ZFAT: variants seen among roughly 807,000 people sequenced by gnomAD.
The protein encoded by ZFAT is zinc finger and AT-hook domain containing.
Under a neutral mutation model 117.7 loss-of-function variants are expected in ZFAT, and 64 were observed. The observed-to-expected ratio is 0.54, with a 90% CI of 0.44 to 0.67. The LOEUF is 0.67. ZFAT is among the 30% of genes least tolerant of loss of function. ZFAT has a pLI of 0.00. For missense variants in ZFAT, 1,433 were observed against 1,584.5 expected (o/e 0.90, Z 1.62); for synonymous variants, 679 against 615.0 (o/e 1.10, Z -1.54).
At chr8:134,548,215 A>G (rs1024691970) in intron 11 of ZFAT, among the ~76,000 whole-genome samples, 1 of 152,234 alleles carries the variant, frequency 6.6e-6, no homozygotes, top group Non-Finnish European at 1.5e-5. Flanking sequence ...CAAAAACTAA[A>G]CAAAGAGCCT....
chr8:134,704,856 T>C (rs968690376), intron 1 of ZFAT, among the ~76,000 whole-genome samples: 6 of 151,562 alleles, frequency 4.0e-5, no homozygotes, highest in African/African-American at 1.2e-4. Flanking sequence ...TTATTAGAGA[T>C]AGACAGTAGA....
At chr8:134,776,791 A>G in the ZFAT span, among the ~76,000 whole-genome samples, 1 of 152,204 alleles carries the variant, frequency 6.6e-6, no homozygotes, top group Non-Finnish European at 1.5e-5. Flanking sequence ...AACTATTTGC[A>G]TGTGTTTTCC....
chr8:134,774,449 A>T, the ZFAT span, among the ~76,000 whole-genome samples: 1 of 152,332 alleles, frequency 6.6e-6, no homozygotes, highest in East Asian at 1.9e-4. Flanking sequence ...AACATTCAGC[A>T]ACCACCACAA....
chr8:134,627,695 T>C (rs1207209727), intron 3 of ZFAT, among the ~76,000 whole-genome samples: 2 of 152,216 alleles, frequency 1.3e-5, no homozygotes, highest in Admixed American at 1.3e-4. Context: ...ACAGTTCTTG[T>C]GTCTGCTGTA....
At chr8:134,807,255 C>A in the ZFAT span, among the ~76,000 whole-genome samples, 10 of 152,318 alleles carry the variant, frequency 6.6e-5, no homozygotes, top group East Asian at 1.5e-3. Flanking sequence ...AAGTACAATG[C>A]TGAAACCAAG....
intron 15 of ZFAT, among the ~76,000 whole-genome samples, chr8:134,506,210 G>T (rs139482791): frequency 6.6e-6 from 1 of 151,994 alleles, no homozygotes; most frequent in Non-Finnish European, 1.5e-5. Context: ...AAACCTTAAC[G>T]CAAGATTTAA....
chr8:134,701,292 T>C (rs1285525840), intron 1 of ZFAT, among the ~76,000 whole-genome samples: 1 of 152,236 alleles, frequency 6.6e-6, no homozygotes, highest in African/African-American at 2.4e-5. Context: ...TTTGTGACTA[T>C]CTTATTTCAC....
At position 134,495,156 on chromosome 8, in the gene ZFAT, G is replaced by C. The variant is rs1818339297; in HGVS notation, c.3492+14463C>G. The stretch of plus-strand genomic sequence containing the variant: ...CAGCTCAGGCTGCTGTCACAAAGCA[G>C]CACAGGTTGAGTGACTTATAAACAA... On this transcript the variant is annotated intron_variant, in intron 15 of 15. Coordinates refer to ENST00000377838, the MANE Select transcript of ZFAT (RefSeq NM_020863.4). Among the ~76,000 whole-genome samples the C allele has an allele frequency of 3.3e-5, 5 of 152,162 alleles. No individual in the cohort carries two copies. The South Asian group carries it at 1.0e-3, about 32-fold the overall frequency.
intron 9 of ZFAT, among the ~76,000 whole-genome samples, chr8:134,587,208 G>A (rs1323933207): frequency 1.3e-5 from 2 of 152,076 alleles, no homozygotes; most frequent in African/African-American, 2.4e-5. Context: ...CAGTCCATAG[G>A]CACCCCAACA....
chr8:134,524,478 C>A (rs946899702), intron 12 of ZFAT, among the ~76,000 whole-genome samples: 3 of 152,186 alleles, frequency 2.0e-5, no homozygotes, highest in Non-Finnish European at 2.9e-5. Flanking sequence ...AATATGAATT[C>A]TTCACTTCCC....
chr8:134,695,334 T>G (rs1218944269), intron 1 of ZFAT, among the ~76,000 whole-genome samples: 1 of 147,132 alleles, frequency 6.8e-6, no homozygotes, highest in Non-Finnish European at 1.5e-5. Flanking sequence ...TCTTTGTCTC[T>G]GAAAGGCAAG....
At chr8:134,549,742 C>A (rs1338229693) in intron 11 of ZFAT, among the ~76,000 whole-genome samples, 2 of 152,204 alleles carry the variant, frequency 1.3e-5, no homozygotes, top group Non-Finnish European at 2.9e-5. Flanking sequence ...CCTTCTTCTC[C>A]AGCCTGAGCT....
intron 15 of ZFAT, among the ~76,000 whole-genome samples, chr8:134,489,863 C>G (rs1401084866): frequency 6.6e-6 from 1 of 152,120 alleles, no homozygotes; most frequent in Non-Finnish European, 1.5e-5. Flanking sequence ...CACTTCCTGC[C>G]CACCCAACCT....
intron 14 of ZFAT, 120 bp downstream of exon 14, chr8:134,512,355 G>T: frequency 6.9e-7 from 1 of 1,439,974 alleles, no homozygotes; most frequent in Non-Finnish European, 9.4e-7. Flanking sequence ...CAGTCTGAAC[G>T]CTGGGTCAGG....
At chr8:134,679,298 C>G (rs1832954196) in intron 1 of ZFAT, among the ~76,000 whole-genome samples, 1 of 152,184 alleles carries the variant, frequency 6.6e-6, no homozygotes, top group South Asian at 2.1e-4. Context: ...AGACACTTCT[C>G]AAAAGAAGAC....
chr8:134,572,160 C>T (rs990145640), intron 10 of ZFAT, among the ~76,000 whole-genome samples: 8 of 152,044 alleles, frequency 5.3e-5, no homozygotes, highest in South Asian at 2.1e-4. Flanking sequence ...TGTACAGCAA[C>T]GAAGAATTAT....
At chr8:134,647,810 G>A (rs967826732) in intron 2 of ZFAT, among the ~76,000 whole-genome samples, 3 of 151,976 alleles carry the variant, frequency 2.0e-5, no homozygotes, top group East Asian at 1.9e-4. Flanking sequence ...TGAAAGATCC[G>A]TATACTAAAA....
At chr8:134,683,150 G>A (rs1019561653) in intron 1 of ZFAT, among the ~76,000 whole-genome samples, 1 of 152,222 alleles carries the variant, frequency 6.6e-6, no homozygotes, top group African/African-American at 2.4e-5. Flanking sequence ...AGCCCCCTTA[G>A]AAGTGGCTCC....
intron 11 of ZFAT, among the ~76,000 whole-genome samples, chr8:134,559,674 G>C (rs930552919): frequency 1.9e-4 from 29 of 152,190 alleles, no homozygotes; most frequent in African/African-American, 4.8e-4. Flanking sequence ...GTTCCTCATG[G>C]CCTCATCAAT....
Sources: gnomAD v4.1 joint callset for allele counts (sites outside exome capture counted in the v4.1 genomes callset) on GRCh38, gnomAD v4.1.1 for gene constraint, MANE v1.5 for transcripts, NCBI Gene and HGNC (gene_info 2026-07-23, HGNC 2026-07-21) for gene names.